USP32: variants seen among roughly 807,000 people sequenced by gnomAD.
The protein encoded by USP32 is ubiquitin specific peptidase 32.
A neutral mutation model predicts 204.8 loss-of-function variants in USP32; 59 were observed. That is an observed-to-expected ratio of 0.29 (90% confidence interval 0.23 to 0.36). The LOEUF (loss-of-function observed/expected upper bound fraction) is 0.36, where lower values mean the gene tolerates loss of function less well. Among genes scored for constraint, USP32 ranks in the 10% least tolerant of loss-of-function variants. USP32 has a pLI of 1.00. For synonymous variants in USP32, 517 were observed against 678.4 expected (o/e 0.76, Z 3.70); for missense variants, 1,160 against 1,946.4 (o/e 0.60, Z 7.60).
intron 2 of USP32, among the ~76,000 whole-genome samples, chr17:60,306,652 A>G (rs184246015): frequency 3.3e-5 from 5 of 152,186 alleles, no homozygotes; most frequent in African/African-American, 1.2e-4. Context: ...GAAAAAAAAA[A>G]TGTCTTTAGC....
chr17:60,366,486 G>A (rs564397396), intron 1 of USP32, among the ~76,000 whole-genome samples: 28 of 152,108 alleles, frequency 1.8e-4, no homozygotes, highest in African/African-American at 5.3e-4. Context: ...GGCTGGTCTC[G>A]AACTTCCAAC....
At chr17:60,284,449 T>A (rs1292849143) in intron 5 of USP32, among the ~76,000 whole-genome samples, 1 of 151,926 alleles carries the variant, frequency 6.6e-6, no homozygotes, top group African/African-American at 2.4e-5. Context: ...CTCGAACTCC[T>A]AACCTTGTGA....
intron 2 of USP32, chr17:60,316,019 CA>C (rs2087968064): frequency 5.8e-6 from 1 of 170,966 alleles, no homozygotes; most frequent in East Asian, 1.8e-4. Context: ...TTCTGATTCA[CA>C]AACCTCCCTT....
At chr17:60,287,929 T>C (rs780112047) in intron 5 of USP32, among the ~76,000 whole-genome samples, 1 of 151,390 alleles carries the variant, frequency 6.6e-6, no homozygotes, top group East Asian at 1.9e-4. Flanking sequence ...CTGGCTAACA[T>C]GGTGAAACCC....
At chr17:60,321,188 T>C (rs1200228234) in intron 2 of USP32, among the ~76,000 whole-genome samples, 2 of 152,212 alleles carry the variant, frequency 1.3e-5, no homozygotes, top group Admixed American at 6.5e-5. Context: ...TATGAATGGA[T>C]ATAAGCCTAA....
At chr17:60,342,483 G>A (rs1299309999) in intron 2 of USP32, among the ~76,000 whole-genome samples, 1 of 152,250 alleles carries the variant, frequency 6.6e-6, no homozygotes, top group Non-Finnish European at 1.5e-5. Flanking sequence ...GGACGTTTAA[G>A]TCTGCAGAAG....
In USP32 at chr17:60,201,554, A is replaced by G. The variant is rs557047708; in HGVS notation, c.3250-3110T>C. Reference sequence around the variant, plus strand: ...ATGGTATGAGAGTTCCTGTTGCTCTACTTAGCAACCCTGTCAGTCTGTTTA... The same window carrying G: ...ATGGTATGAGAGTTCCTGTTGCTCTGCTTAGCAACCCTGTCAGTCTGTTTA... On this transcript the variant is annotated intron_variant, in intron 26 of 33. Transcript: ENST00000300896. 1.8e-4 allele frequency among the ~76,000 whole-genome samples: 28 copies of G among 152,140 alleles called. No individual in the cohort carries two copies. The East Asian group carries it at 5.2e-3, about 28-fold the overall frequency.
At position 60,183,289 on chromosome 17, in the gene USP32, A is replaced by T. The variant is rs1157168976; in HGVS notation, c.3999T>A (p.Ser1333=). Residue 1333 remains serine (S), a synonymous_variant, in exon 31 of 34, where the codon TCT becomes TCA. Coordinates refer to ENST00000300896, the MANE Select transcript of USP32 (RefSeq NM_032582.4). ...CCTCCCTTGCCAGAATCCTGGGCTC[A>T]GAGAGCTCATCCCCCTGGGGTGTGA... The part of the protein sequence containing the change: ...KPLTPQGDEL[S]EPRILAREVK... The T allele has an allele frequency of 6.2e-7, 1 of 1,613,882 alleles. No individual in the cohort carries two copies. Among genetic ancestry groups the T allele is most frequent in the African/African-American group, 1.3e-5 (1 of 74,936 alleles).
chr17:60,309,936 C>T (rs767302297), intron 2 of USP32, among the ~76,000 whole-genome samples: 2 of 151,796 alleles, frequency 1.3e-5, no homozygotes, highest in South Asian at 2.1e-4. Flanking sequence ...CCAAGCTAGT[C>T]GGAAGTCTGA....
intron 5 of USP32, among the ~76,000 whole-genome samples, chr17:60,276,667 C>T (rs1287011850): frequency 6.7e-6 from 1 of 149,842 alleles, no homozygotes; most frequent in Admixed American, 6.6e-5. Flanking sequence ...TAAATTGAAA[C>T]ACAGAAAAAT....
chr17:60,205,356 A>G (rs991501843), intron 26 of USP32, 91 bp downstream of exon 26: 83 of 1,467,924 alleles, frequency 5.7e-5, no homozygotes, highest in Non-Finnish European at 7.0e-5. Flanking sequence ...AGAGAAGAAA[A>G]TACATTCAAT....
At chr17:60,399,726 A>G (rs901373783) in intron 1 of USP32, among the ~76,000 whole-genome samples, 3 of 152,122 alleles carry the variant, frequency 2.0e-5, no homozygotes, top group Non-Finnish European at 4.4e-5. Context: ...AGAGAGAAGC[A>G]AAAAGGGTGA....
In USP32 at chr17:60,288,138, A is replaced by G. The variant is rs868197836; in HGVS notation, c.571+385T>C. Among the ~76,000 whole-genome samples, 195 of 145,542 alleles carry G rather than the reference A, an allele frequency of 1.3e-3. 2 individuals are homozygous for G. In the Middle Eastern group the frequency reaches 0.024, roughly 18 times the overall value. On this transcript the variant is annotated intron_variant, in intron 5 of 33. Coordinates refer to ENST00000300896, the MANE Select transcript of USP32 (RefSeq NM_032582.4). ...CAAAAAAAAAAAAAAAAAAAAAAAA[A>G]AAGTCTTGGCTGGGCACAGTGACTC...
intron 1 of USP32, among the ~76,000 whole-genome samples, chr17:60,372,034 C>T (rs959474341): frequency 1.3e-5 from 2 of 151,986 alleles, no homozygotes; most frequent in Non-Finnish European, 2.9e-5. Flanking sequence ...ATAACTATTG[C>T]GGTAGGATTA....
intron 12 of USP32, among the ~76,000 whole-genome samples, chr17:60,228,173 T>G (rs1268833442): frequency 6.6e-6 from 1 of 152,026 alleles, no homozygotes; most frequent in African/African-American, 2.4e-5. Context: ...TACAGGCACC[T>G]GCCACCACAC....
At chr17:60,379,559 G>A (rs1011595711) in intron 1 of USP32, among the ~76,000 whole-genome samples, 5 of 152,074 alleles carry the variant, frequency 3.3e-5, no homozygotes, top group Non-Finnish European at 7.4e-5. Context: ...CATGAGATGC[G>A]CAAAAGTCTT....
chr17:60,217,113 A>T (rs1471174919), intron 16 of USP32, among the ~76,000 whole-genome samples: 1 of 152,220 alleles, frequency 6.6e-6, no homozygotes, highest in Non-Finnish European at 1.5e-5. Context: ...TGAGTTTTAG[A>T]AAGTTTTTAT....
intron 27 of USP32, among the ~76,000 whole-genome samples, chr17:60,194,870 T>A (rs980925484): frequency 2.7e-4 from 41 of 152,230 alleles, no homozygotes; most frequent in African/African-American, 9.4e-4. Flanking sequence ...AAATCCTCAC[T>A]TGCCTCTTTA....
chr17:60,198,559 T>G (rs1028166429), intron 26 of USP32, 115 bp from the exon 27 acceptor site: 2 of 1,251,806 alleles, frequency 1.6e-6, no homozygotes, highest in African/African-American at 3.0e-5. Flanking sequence ...AATCAGTCAC[T>G]ATCACATTCT....
Sources: allele counts gnomAD v4.1 joint callset (sites outside exome capture counted in the v4.1 genomes callset), GRCh38; gene constraint gnomAD v4.1.1; transcripts MANE v1.5; gene names NCBI Gene and HGNC (gene_info 2026-07-23, HGNC 2026-07-21).